Variants in DLG2 observed in about 807,000 individuals in gnomAD.
DLG2 encodes disks large homolog 2.
DLG2 carries 45 observed loss-of-function variants against 132.5 expected under a neutral mutation model. The ratio of observed to expected loss-of-function variants is 0.34; its 90% CI spans 0.27 to 0.44. DLG2 has a LOEUF of 0.44. Ranked by LOEUF, DLG2 falls within the 20% of genes least tolerant of loss-of-function variation. The pLI is 1.00. For missense variants in DLG2, 1,045 were observed against 1,196.9 expected, an observed-to-expected ratio of 0.87 and a Z score of 1.87; for synonymous variants, 424 against 419.6, an observed-to-expected ratio of 1.01 and a Z score of -0.13.
At chr11:84,029,559 T>C (rs570134611) in intron 11 of DLG2, among the ~76,000 whole-genome samples, 71 of 152,106 alleles carry the variant, frequency 4.7e-4, no homozygotes, top group African/African-American at 1.7e-3. Context: ...GCTTTACCGA[T>C]GAAAGGGAAA....
chr11:83,896,308 G>T (rs754785403), intron 15 of DLG2, among the ~76,000 whole-genome samples: 1 of 152,198 alleles, frequency 6.6e-6, no homozygotes, highest in Non-Finnish European at 1.5e-5. Flanking sequence ...AGAGGTAGAC[G>T]ATTTAAGCAA....
intron 3 of DLG2, among the ~76,000 whole-genome samples, chr11:85,320,218 C>T (rs2152822384): frequency 6.6e-6 from 1 of 151,986 alleles, no homozygotes; most frequent in African/African-American, 2.4e-5. Context: ...GAGTCATGAG[C>T]ATTATTTAGG....
chr11:83,913,531 G>T (rs2076420815), intron 15 of DLG2, among the ~76,000 whole-genome samples: 1 of 152,026 alleles, frequency 6.6e-6, no homozygotes, highest in Admixed American at 6.6e-5. Context: ...AATAATGTAG[G>T]CTAATTTCTA....
At chr11:84,952,757 A>G (rs2051129253) in intron 6 of DLG2, among the ~76,000 whole-genome samples, 1 of 152,224 alleles carries the variant, frequency 6.6e-6, no homozygotes, top group African/African-American at 2.4e-5. Context: ...TTATGTGTTA[A>G]CAGTCCCAGA....
chr11:84,908,715 A>AT (rs1425823143), intron 6 of DLG2, among the ~76,000 whole-genome samples: 4 of 151,726 alleles, frequency 2.6e-5, no homozygotes, highest in African/African-American at 4.8e-5. Flanking sequence ...ATTGAATCAG[A>AT]TTTTTTTTAT....
At chr11:85,196,076 A>T (rs779496395) in intron 4 of DLG2, among the ~76,000 whole-genome samples, 1 of 152,172 alleles carries the variant, frequency 6.6e-6, no homozygotes, top group Non-Finnish European at 1.5e-5. Flanking sequence ...ACACTAGCAA[A>T]TTCCACCCAG....
intron 6 of DLG2, among the ~76,000 whole-genome samples, chr11:84,602,251 A>C (rs571233116): frequency 1.3e-5 from 2 of 152,028 alleles, no homozygotes; most frequent in East Asian, 3.9e-4. Context: ...AATACTTTGC[A>C]TGCAGTGTCT....
intron 19 of DLG2, among the ~76,000 whole-genome samples, chr11:83,576,984 G>A (rs2096883318): frequency 6.6e-6 from 1 of 152,172 alleles, no homozygotes; most frequent in Admixed American, 6.6e-5. Context: ...TATTGATACT[G>A]GGTATGTCTT....
chr11:84,541,814 C>A (rs2099372768), intron 6 of DLG2, among the ~76,000 whole-genome samples: 1 of 152,110 alleles, frequency 6.6e-6, no homozygotes. Context: ...ACAGTCCCCC[C>A]TACACAGACA....
chr11:84,749,667 C>A (rs1182320683), intron 6 of DLG2, among the ~76,000 whole-genome samples: 3 of 152,102 alleles, frequency 2.0e-5, no homozygotes, highest in African/African-American at 7.2e-5. Context: ...TGATGCATTT[C>A]TCAGAACCTA....
intron 18 of DLG2, among the ~76,000 whole-genome samples, chr11:83,677,572 C>T (rs1004553532): frequency 1.3e-5 from 2 of 152,072 alleles, no homozygotes; most frequent in Non-Finnish European, 2.9e-5. Context: ...TCCAACAATG[C>T]ATTCTGTCTT....
At chr11:84,645,367 G>A (rs2099673432) in intron 6 of DLG2, among the ~76,000 whole-genome samples, 1 of 152,160 alleles carries the variant, frequency 6.6e-6, no homozygotes, top group South Asian at 2.1e-4. Context: ...TTTACCCAAA[G>A]CCTGAGGAGC....
chr11:83,594,093 C>T (rs975172112), intron 19 of DLG2, among the ~76,000 whole-genome samples: 3 of 152,208 alleles, frequency 2.0e-5, no homozygotes, highest in African/African-American at 7.2e-5. Flanking sequence ...TATGGCTTGC[C>T]AAATACTGAT....
intron 7 of DLG2, among the ~76,000 whole-genome samples, chr11:84,517,252 T>G (rs75526395): frequency 0.056 from 8,443 of 151,484 alleles, 283 homozygotes; most frequent in South Asian, 0.1. Context: ...ACTATATATC[T>G]GTTAAGGAAT....
At chr11:85,465,560 GT>G (rs1241962003) in intron 3 of DLG2, among the ~76,000 whole-genome samples, 1 of 151,864 alleles carries the variant, frequency 6.6e-6, no homozygotes, top group Non-Finnish European at 1.5e-5. Flanking sequence ...GTGGTATTTG[GT>G]TTTTTGTCCT....
intron 3 of DLG2, among the ~76,000 whole-genome samples, chr11:85,463,990 A>ACACACACACACACACACT (rs2092699396): frequency 4.5e-4 from 1 of 2,246 alleles, no homozygotes; most frequent in Non-Finnish European, 1.3e-3. Context: ...ACATACATGT[A>ACACACACACACACACACT]CACACACACA....
intron 6 of DLG2, among the ~76,000 whole-genome samples, chr11:84,894,709 C>A (rs17147761): frequency 0.097 from 14,681 of 152,108 alleles, 936 homozygotes; most frequent in African/African-American, 0.18. Flanking sequence ...TTCAATGATA[C>A]TCTATATCAC....
intron 17 of DLG2, among the ~76,000 whole-genome samples, chr11:83,828,567 G>A (rs1429869620): frequency 1.3e-5 from 2 of 152,126 alleles, no homozygotes; most frequent in African/African-American, 4.8e-5. Context: ...CATTGAAGAA[G>A]CCTGTACAAA....
intron 6 of DLG2, among the ~76,000 whole-genome samples, chr11:84,792,522 G>A (rs1280257008): frequency 6.6e-6 from 1 of 151,940 alleles, no homozygotes; most frequent in Admixed American, 6.6e-5. Context: ...TTAAATCTTG[G>A]TAGAATTAAG....
Sources: allele counts gnomAD v4.1 joint callset (sites outside exome capture counted in the v4.1 genomes callset), GRCh38; gene constraint gnomAD v4.1.1; transcripts MANE v1.5; gene names NCBI Gene and HGNC (gene_info 2026-07-23, HGNC 2026-07-21).